CTNNA3: variants seen among roughly 807,000 people sequenced by gnomAD.
CTNNA3 encodes the protein catenin alpha-3.
CTNNA3 carries 76 observed loss-of-function variants against 95.7 expected under a neutral mutation model. The ratio of observed to expected loss-of-function variants is 0.79; its 90% CI spans 0.66 to 0.96. The LOEUF (loss-of-function observed/expected upper bound fraction) is 0.96. Among genes scored for constraint, CTNNA3 ranks in the 40% least tolerant of loss-of-function variants. CTNNA3 has a pLI of 0.00. For synonymous variants in CTNNA3, 431 were observed against 374.4 expected (o/e 1.15, Z -1.74); for missense variants, 1,191 against 1,089.8 (o/e 1.09, Z -1.31).
intron 11 of CTNNA3, among the ~76,000 whole-genome samples, chr10:66,401,965 T>C (rs1488695767): frequency 3.3e-5 from 5 of 152,086 alleles, no homozygotes; most frequent in South Asian, 2.1e-4. Context: ...CGGCCTCTTT[T>C]ATTTTTTAGT....
chr10:66,698,546 T>A (rs1002012356), intron 9 of CTNNA3, among the ~76,000 whole-genome samples: 2 of 152,200 alleles, frequency 1.3e-5, no homozygotes, highest in Non-Finnish European at 2.9e-5. Context: ...CTGCTTAAGA[T>A]TCATAATCCT....
intron 1 of CTNNA3, among the ~76,000 whole-genome samples, chr10:67,690,272 C>G (rs536998194): frequency 2.6e-5 from 4 of 152,126 alleles, no homozygotes; most frequent in Non-Finnish European, 5.9e-5. Context: ...AGCCACAGAC[C>G]CTCACGGTGA....
chr10:67,494,829 C>T (rs1254976087), intron 5 of CTNNA3, among the ~76,000 whole-genome samples: 1 of 152,208 alleles, frequency 6.6e-6, no homozygotes, highest in Non-Finnish European at 1.5e-5. Context: ...CACCTGTTGT[C>T]AAACTTCAAA....
At chr10:67,192,234 G>C (rs1863150650) in intron 6 of CTNNA3, among the ~76,000 whole-genome samples, 2 of 151,808 alleles carry the variant, frequency 1.3e-5, no homozygotes, top group South Asian at 4.1e-4. Context: ...ATTTAAGTGG[G>C]ACTACTTATA....
intron 12 of CTNNA3, among the ~76,000 whole-genome samples, chr10:66,330,219 C>A (rs976832803): frequency 2.6e-5 from 4 of 151,734 alleles, no homozygotes; most frequent in South Asian, 2.1e-4. Flanking sequence ...CCCTCCCCCC[C>A]TCTCCCCACC....
chr10:66,894,437 A>AT (rs1845396605), intron 7 of CTNNA3, among the ~76,000 whole-genome samples: 1 of 152,082 alleles, frequency 6.6e-6, no homozygotes. Flanking sequence ...TCTCTTAAAT[A>AT]TGTCAAAATG....
chr10:66,271,415 G>A (rs1453083249), intron 13 of CTNNA3, among the ~76,000 whole-genome samples: 2 of 151,974 alleles, frequency 1.3e-5, no homozygotes, highest in African/African-American at 2.4e-5. Flanking sequence ...GAGTTTTTAG[G>A]ATAAAAACAA....
At chr10:66,003,331 T>G (rs1356427927) in intron 15 of CTNNA3, among the ~76,000 whole-genome samples, 9 of 150,264 alleles carry the variant, frequency 6.0e-5, no homozygotes. Context: ...GTGGTGGTGG[T>G]GTGTGTGTGT....
chr10:67,509,843 T>G (rs1839553250), intron 5 of CTNNA3, among the ~76,000 whole-genome samples: 1 of 152,176 alleles, frequency 6.6e-6, no homozygotes, highest in South Asian at 2.1e-4. Flanking sequence ...CCACATCCTC[T>G]CCAGCATCTG....
intron 7 of CTNNA3, among the ~76,000 whole-genome samples, chr10:66,894,178 T>C (rs1006870509): frequency 1.3e-5 from 2 of 152,086 alleles, no homozygotes; most frequent in South Asian, 2.1e-4. Flanking sequence ...AAGTAATTTA[T>C]ACACGTTAAT....
intron 13 of CTNNA3, among the ~76,000 whole-genome samples, chr10:66,106,365 G>A (rs1564649777): frequency 6.6e-6 from 1 of 150,414 alleles, no homozygotes; most frequent in Non-Finnish European, 1.5e-5. Context: ...GTGTGTGTGT[G>A]TGTGTGTGTG....
intron 10 of CTNNA3, among the ~76,000 whole-genome samples, chr10:66,530,741 T>C (rs116225097): frequency 0.013 from 1,908 of 152,234 alleles, 36 homozygotes; most frequent in African/African-American, 0.043. Context: ...TCTTACTCCA[T>C]GAAGGGATGA....
intron 5 of CTNNA3, among the ~76,000 whole-genome samples, chr10:67,274,563 C>T (rs1839112095): frequency 1.3e-5 from 2 of 152,112 alleles, no homozygotes; most frequent in African/African-American, 4.8e-5. Context: ...CGCAGTGGCT[C>T]ACACCTGTAA....
In CTNNA3 at chr10:65,999,800, T is replaced by G. The variant is rs114181282; in HGVS notation, c.2160-11003A>C. Among the ~76,000 whole-genome samples, 964 of 152,194 alleles carry G rather than the reference T, an allele frequency of 6.3e-3. 8 individuals are homozygous for G. Among genetic ancestry groups the G allele is most frequent in the African/African-American group, 0.022 (919 of 41,526 alleles). ...GTTCTTGGGATCTCCTGTCAGCAAATAGCATCTTAAATTATTGCATTGGAT... is the reference window on the plus strand; with the variant it reads ...GTTCTTGGGATCTCCTGTCAGCAAAGAGCATCTTAAATTATTGCATTGGAT... On this transcript the variant is annotated intron_variant, in intron 15 of 17. Coordinates refer to ENST00000433211, the MANE Select transcript of CTNNA3 (RefSeq NM_013266.4).
At chr10:67,754,888 T>C (rs6480293) in intron 1 of CTNNA3, among the ~76,000 whole-genome samples, 152,001 of 152,268 alleles carry the variant, frequency 1, 75,870 homozygotes, top group Middle Eastern at 1. Context: ...AAGAGCTGAA[T>C]AGACATTTCT....
chr10:67,310,567 A>C (rs533620174), intron 5 of CTNNA3, among the ~76,000 whole-genome samples: 115 of 152,318 alleles, frequency 7.5e-4, no homozygotes, highest in Admixed American at 2.2e-3. Flanking sequence ...GAGACTGGGC[A>C]ATTTATAAAG....
chr10:66,539,419 G>A (rs1317042011), intron 10 of CTNNA3, among the ~76,000 whole-genome samples: 1 of 152,106 alleles, frequency 6.6e-6, no homozygotes, highest in Non-Finnish European at 1.5e-5. Context: ...GTAGGTGGAG[G>A]AATGAGTCTT....
intron 4 of CTNNA3, among the ~76,000 whole-genome samples, chr10:67,525,202 A>T (rs2133168136): frequency 6.6e-6 from 1 of 152,110 alleles, no homozygotes; most frequent in South Asian, 2.1e-4. Context: ...AACTTTAAAA[A>T]GCTCAGTGAA....
intron 5 of CTNNA3, among the ~76,000 whole-genome samples, chr10:67,241,496 T>A (rs552573714): frequency 6.6e-6 from 1 of 152,310 alleles, no homozygotes; most frequent in African/African-American, 2.4e-5. Context: ...AAAGTTGAAT[T>A]TTTTAATTTA....
Sources: gnomAD v4.1 joint callset for allele counts (sites outside exome capture counted in the v4.1 genomes callset) on GRCh38, gnomAD v4.1.1 for gene constraint, MANE v1.5 for transcripts, NCBI Gene and HGNC (gene_info 2026-07-23, HGNC 2026-07-21) for gene names.